Variants in MARCO observed in about 807,000 individuals in gnomAD.
MARCO encodes the protein macrophage receptor with collagenous structure, also known as macrophage receptor MARCO.
In MARCO, 72 loss-of-function variants were observed where a neutral mutation model predicts 70.0. The observed-to-expected ratio is 1.03, with a 90% CI of 0.85 to 1.25. The LOEUF is 1.25. Ranked by LOEUF, MARCO falls within the 50% of genes most tolerant of loss-of-function variation. The probability of loss-of-function intolerance (pLI) is 0.00; values close to 1 mark genes in which losing one functional copy is unlikely to be tolerated. For synonymous variants in MARCO, 273 were observed against 243.1 expected (o/e 1.12, Z -1.14); for missense variants, 696 against 659.3 (o/e 1.06, Z -0.61).
chr2:118,974,220 C>T, intron 4 of MARCO, 113 bp from the exon 5 acceptor site: 1 of 721,898 alleles, frequency 1.4e-6, no homozygotes, highest in South Asian at 1.6e-5. Context: ...ACAGTTGGCT[C>T]ATCCCCATGC....
At chr2:118,973,068 C>G (rs529654400) in intron 4 of MARCO, among the ~76,000 whole-genome samples, 1 of 149,920 alleles carries the variant, frequency 6.7e-6, no homozygotes, top group African/African-American at 2.5e-5. Flanking sequence ...AACTCCAACT[C>G]TCTCTCTCCA....
At chr2:118,986,547 A>G (rs1401699158) in intron 12 of MARCO, among the ~76,000 whole-genome samples, 1 of 122,152 alleles carries the variant, frequency 8.2e-6, no homozygotes, top group Non-Finnish European at 1.6e-5. Flanking sequence ...AGAGAGAGAG[A>G]GGAAGGAAGG....
chr2:118,971,878 A>T (rs534353855), intron 4 of MARCO, among the ~76,000 whole-genome samples: 5 of 152,184 alleles, frequency 3.3e-5, no homozygotes, highest in Admixed American at 1.3e-4. Flanking sequence ...ACTCTTACCT[A>T]CCACATACAT....
At chr2:118,943,487 T>C (rs1679541373) in intron 1 of MARCO, among the ~76,000 whole-genome samples, 1 of 152,202 alleles carries the variant, frequency 6.6e-6, no homozygotes, top group Non-Finnish European at 1.5e-5. Context: ...TGAATAAACA[T>C]AGCCTCTGGC....
At chr2:118,988,137 A>G (rs1680550302) in intron 12 of MARCO, among the ~76,000 whole-genome samples, 1 of 152,144 alleles carries the variant, frequency 6.6e-6, no homozygotes, top group South Asian at 2.1e-4. Context: ...ATGGATGTAA[A>G]GCCCCTGGCA....
At chr2:118,976,938 T>C (rs2104589016) in intron 6 of MARCO, among the ~76,000 whole-genome samples, 1 of 152,306 alleles carries the variant, frequency 6.6e-6, no homozygotes, top group East Asian at 1.9e-4. Flanking sequence ...GAGGTTTACT[T>C]AGCTCATGAT....
chr2:118,989,234 A>G (rs1311618558), intron 12 of MARCO, among the ~76,000 whole-genome samples: 1 of 152,214 alleles, frequency 6.6e-6, no homozygotes, highest in East Asian at 1.9e-4. Flanking sequence ...GAGGCATTCT[A>G]TTCAGAGGGA....
Position 118,982,148 on chromosome 2 carries a change from C to T in MARCO, c.902-8C>T, listed in dbSNP as rs1479434291. ...ACCACAGCCTGGCAGTCACTACTTT[C>T]CTTTCAGGACAACCTGGACTGCAGG... On this transcript the variant is annotated splice_region_variant and splice_polypyrimidine_tract_variant and intron_variant, in intron 10 of 16. Transcript: ENST00000327097. 3 of 1,601,728 alleles carry T rather than the reference C, an allele frequency of 1.9e-6. No homozygotes were observed. The South Asian group carries it at 3.3e-5, about 18-fold the overall frequency.
At chr2:118,962,942 T>C (rs1285733184) in intron 1 of MARCO, among the ~76,000 whole-genome samples, 1 of 152,084 alleles carries the variant, frequency 6.6e-6, no homozygotes, top group Admixed American at 6.5e-5. Context: ...TCTGTAGTGA[T>C]AGCACCTGTT....
intron 12 of MARCO, among the ~76,000 whole-genome samples, chr2:118,988,063 T>C (rs1040613601): frequency 6.6e-6 from 1 of 152,216 alleles, no homozygotes; most frequent in African/African-American, 2.4e-5. Flanking sequence ...AGTGTGTACT[T>C]TCTCCTCTGT....
intron 12 of MARCO, among the ~76,000 whole-genome samples, chr2:118,989,836 A>G (rs1680587897): frequency 6.6e-6 from 1 of 152,190 alleles, no homozygotes; most frequent in Non-Finnish European, 1.5e-5. Context: ...GAGGAGTCCT[A>G]TTTCTCTGAA....
intron 12 of MARCO, among the ~76,000 whole-genome samples, chr2:118,990,319 G>A (rs991177730): frequency 2.0e-5 from 3 of 152,174 alleles, no homozygotes; most frequent in African/African-American, 4.8e-5. Context: ...TTACCGGGGG[G>A]CAGGGAAGGC....
At chr2:118,988,883 G>A (rs1055779363) in intron 12 of MARCO, among the ~76,000 whole-genome samples, 4 of 152,262 alleles carry the variant, frequency 2.6e-5, no homozygotes, top group African/African-American at 9.6e-5. Context: ...TGTGGGTCCT[G>A]TTACATCATT....
chr2:118,961,148 G>T (rs902181707), intron 1 of MARCO, among the ~76,000 whole-genome samples: 1 of 152,070 alleles, frequency 6.6e-6, no homozygotes, highest in Non-Finnish European at 1.5e-5. Flanking sequence ...ATTGATGGAC[G>T]TTTGGGTTGA....
chr2:118,960,035 A>G (rs1369782561), intron 1 of MARCO, among the ~76,000 whole-genome samples: 1 of 152,020 alleles, frequency 6.6e-6, no homozygotes, highest in African/African-American at 2.4e-5. Context: ...GGGTGCACCA[A>G]AATCTCACAT....
intron 3 of MARCO, 115 bp from the exon 4 acceptor site, chr2:118,971,384 G>A (rs945459503): frequency 1.0e-6 from 1 of 985,182 alleles, no homozygotes; most frequent in African/African-American, 1.6e-5. Flanking sequence ...CAGTCTGATG[G>A]GAGCCCCACA....
At chr2:118,984,936 G>A (rs184254748) in intron 12 of MARCO, among the ~76,000 whole-genome samples, 1 of 152,266 alleles carries the variant, frequency 6.6e-6, no homozygotes, top group East Asian at 1.9e-4. Context: ...AGAATATCTA[G>A]CCACTTTAGA....
At position 118,986,491 on chromosome 2, in the gene MARCO, G is replaced by A. The variant is rs1427582271; in HGVS notation, c.1063+4081G>A. Reference sequence around the variant, plus strand: ...GCTATGATTGCACCACTGCACTCCAGCCTGAGCAACAGAGTGAGACCCTGT... The same window carrying A: ...GCTATGATTGCACCACTGCACTCCAACCTGAGCAACAGAGTGAGACCCTGT... On this transcript the variant is annotated intron_variant, in intron 12 of 16. Transcript: ENST00000327097. Among the ~76,000 whole-genome samples, 8 of 147,808 alleles carry A rather than the reference G, an allele frequency of 5.4e-5. No individual in the cohort carries two copies. In the Admixed American group the frequency reaches 5.5e-4, roughly 10 times the overall value.
rs528142458 is a variant in MARCO at position 118,977,766 on chromosome 2, C to T, written c.659-62C>T. Reference sequence around the variant, plus strand: ...TCCCAAATGCTTCCTGCCCCTTTGCCTCTGGTAGCCTGTCCCCAAAAGGAT... The same window carrying T: ...TCCCAAATGCTTCCTGCCCCTTTGCTTCTGGTAGCCTGTCCCCAAAAGGAT... On this transcript the variant is annotated intron_variant, in intron 7 of 16. Transcript: ENST00000327097. 1.1e-5 allele frequency: 15 copies of T among 1,312,254 alleles called. No individual in the cohort carries two copies. In the African/African-American group the frequency reaches 2.1e-4, roughly 18 times the overall value. The allele number at this position is 1,312,254 out of a possible 1,614,324, so 81.3% of individuals were successfully genotyped here.
Sources: gnomAD v4.1 joint callset for allele counts (sites outside exome capture counted in the v4.1 genomes callset) on GRCh38, gnomAD v4.1.1 for gene constraint, MANE v1.5 for transcripts, NCBI Gene and HGNC (gene_info 2026-07-23, HGNC 2026-07-21) for gene names.